PRUNE2: variants seen among roughly 807,000 people sequenced by gnomAD.
The protein encoded by PRUNE2 is protein prune homolog 2.
PRUNE2 carries 164 observed loss-of-function variants against 252.0 expected under a neutral mutation model. The ratio of observed to expected loss-of-function variants is 0.65; its 90% confidence interval spans 0.57 to 0.74. The LOEUF (loss-of-function observed/expected upper bound fraction) is 0.74. Ranked by LOEUF, PRUNE2 falls within the 30% of genes least tolerant of loss-of-function variation. The pLI is 0.00. For missense variants in PRUNE2, 3,495 were observed against 3,711.0 expected, an observed-to-expected ratio of 0.94 and a Z score of 1.51; for synonymous variants, 1,292 against 1,350.2, an observed-to-expected ratio of 0.96 and a Z score of 0.94.
At chr9:76,741,734 C>T (rs1588960521) in intron 6 of PRUNE2, among the ~76,000 whole-genome samples, 1 of 152,146 alleles carries the variant, frequency 6.6e-6, no homozygotes, top group East Asian at 1.9e-4. Flanking sequence ...GAGAACAATC[C>T]TATAAAATCT....
At chr9:76,660,708 GGA>G (rs924818839) in intron 9 of PRUNE2, among the ~76,000 whole-genome samples, 2 of 151,180 alleles carry the variant, frequency 1.3e-5, no homozygotes, top group African/African-American at 4.9e-5. Flanking sequence ...CCTGAACCCG[GGA>G]GGCGGAAGTT....
chr9:76,626,701 G>C (rs1834933027), intron 16 of PRUNE2, among the ~76,000 whole-genome samples: 1 of 152,170 alleles, frequency 6.6e-6, no homozygotes, highest in African/African-American at 2.4e-5. Flanking sequence ...GTCTCTAAAA[G>C]CAACAGGTGT....
At chr9:76,796,182 T>C (rs1421241449) in intron 6 of PRUNE2, among the ~76,000 whole-genome samples, 1 of 152,254 alleles carries the variant, frequency 6.6e-6, no homozygotes. Flanking sequence ...CACTCTTCTA[T>C]TAGCAACCTA....
rs1302750345 is a variant in PRUNE2 at position 76,857,036 on chromosome 9, G to A, written c.37-2828C>T. 6 of 455,612 alleles carry A rather than the reference G, an allele frequency of 1.3e-5. 1 individual carries two copies. The highest frequency in any genetic ancestry group is 3.1e-5 in the South Asian group (2 of 64,492). The allele number at this position is 455,612 out of a possible 1,614,324, so 28.2% of individuals were successfully genotyped here. A position where few individuals can be genotyped will look rare whatever the true frequency, so the allele number is the denominator to read the frequency against. ...CCCAAAGTACTGGGATTACAGGCGT[G>A]AGCCACCGCGCCTGGCCAACATGTC... On this transcript the variant is annotated intron_variant, in intron 1 of 18. Coordinates refer to ENST00000376718, the MANE Select transcript of PRUNE2 (RefSeq NM_015225.3).
intron 11 of PRUNE2, among the ~76,000 whole-genome samples, chr9:76,649,601 AGATAGATAGAT>A (rs1192802226): frequency 3.2e-5 from 3 of 94,368 alleles, no homozygotes; most frequent in East Asian, 5.1e-4. Context: ...ATAGATAGAT[AGATAGATAGAT>A]GATAGATAGA....
intron 4 of PRUNE2, among the ~76,000 whole-genome samples, chr9:76,833,771 T>A (rs1293851586): frequency 1.4e-5 from 2 of 146,630 alleles, no homozygotes; most frequent in Admixed American, 6.9e-5. Context: ...TAAAAAAAAA[T>A]AAATAAATAA....
intron 6 of PRUNE2, among the ~76,000 whole-genome samples, chr9:76,776,502 T>C (rs2053766195): frequency 6.6e-6 from 1 of 151,374 alleles, no homozygotes; most frequent in South Asian, 2.1e-4. Context: ...ACATTTTCTT[T>C]TTTTTTTTCT....
chr9:76,753,966 G>C (rs573667334), intron 6 of PRUNE2, among the ~76,000 whole-genome samples: 1 of 151,966 alleles, frequency 6.6e-6, no homozygotes, highest in East Asian at 1.9e-4. Flanking sequence ...ATACAGGCAG[G>C]GCTGAGAACC....
chr9:76,833,164 A>AT (rs1212049823), intron 4 of PRUNE2, among the ~76,000 whole-genome samples: 1 of 152,168 alleles, frequency 6.6e-6, no homozygotes. Flanking sequence ...ATCTAGCAAA[A>AT]CCTTAATACC....
chr9:76,752,258 T>C (rs949195615), intron 6 of PRUNE2, among the ~76,000 whole-genome samples: 10 of 152,068 alleles, frequency 6.6e-5, no homozygotes, highest in Non-Finnish European at 1.0e-4. Flanking sequence ...CCACCACACC[T>C]GGCTAATTTT....
intron 6 of PRUNE2, among the ~76,000 whole-genome samples, chr9:76,750,463 T>C (rs1204484227): frequency 2.0e-5 from 3 of 152,150 alleles, no homozygotes; most frequent in Non-Finnish European, 4.4e-5. Flanking sequence ...ACACATTTGG[T>C]GGCCAGAAGT....
At chr9:76,673,063 C>A (rs1254019303) in intron 9 of PRUNE2, among the ~76,000 whole-genome samples, 2 of 151,666 alleles carry the variant, frequency 1.3e-5, no homozygotes, top group Admixed American at 1.3e-4. Flanking sequence ...CAGAGCAGAA[C>A]TGAAGGAAAT....
At chr9:76,672,132 A>G (rs1040982124) in intron 9 of PRUNE2, among the ~76,000 whole-genome samples, 39 of 151,960 alleles carry the variant, frequency 2.6e-4, no homozygotes, top group African/African-American at 8.9e-4. Context: ...GTCAAGACCC[A>G]TCAGTGTGCT....
At chr9:76,655,321 G>T in intron 10 of PRUNE2, 102 bp downstream of exon 10, 1 of 875,798 alleles carries the variant, frequency 1.1e-6, no homozygotes, top group Non-Finnish European at 1.9e-6. Context: ...TGTTATCACT[G>T]AAATCATAAG....
chr9:76,876,057 G>A (rs1257563882), intron 1 of PRUNE2, among the ~76,000 whole-genome samples: 1 of 152,170 alleles, frequency 6.6e-6, no homozygotes, highest in Non-Finnish European at 1.5e-5. Context: ...TGGCATACTA[G>A]TAGTAGAAAT....
intron 6 of PRUNE2, among the ~76,000 whole-genome samples, chr9:76,765,488 TAG>T (rs1000035301): frequency 1.1e-4 from 16 of 152,212 alleles, no homozygotes; most frequent in Non-Finnish European, 1.6e-4. Flanking sequence ...GCATACAGAA[TAG>T]AGACAGGCAC....
intron 1 of PRUNE2, among the ~76,000 whole-genome samples, chr9:76,861,529 G>A (rs541481575): frequency 6.6e-6 from 1 of 152,252 alleles, no homozygotes; most frequent in East Asian, 1.9e-4. Context: ...AGGCGATGGG[G>A]GAGGCAAAAC....
chr9:76,626,778 T>A (rs1000127393), intron 16 of PRUNE2, among the ~76,000 whole-genome samples: 1 of 152,226 alleles, frequency 6.6e-6, no homozygotes, highest in Non-Finnish European at 1.5e-5. Flanking sequence ...TTGTGTACCC[T>A]GTTTGCATTC....
At chr9:76,768,256 G>A (rs778305186) in intron 6 of PRUNE2, among the ~76,000 whole-genome samples, 2 of 152,012 alleles carry the variant, frequency 1.3e-5, no homozygotes, top group East Asian at 1.9e-4. Flanking sequence ...GCAGTGGTGC[G>A]ATCTCAGCTC....
Sources: gnomAD v4.1 joint callset for allele counts (sites outside exome capture counted in the v4.1 genomes callset) on GRCh38, gnomAD v4.1.1 for gene constraint, MANE v1.5 for transcripts, NCBI Gene and HGNC (gene_info 2026-07-23, HGNC 2026-07-21) for gene names.